Variants in SIAE observed in about 807,000 individuals in gnomAD.
SIAE encodes the protein sialate O-acetylesterase.
In SIAE, 39 loss-of-function variants were observed where a neutral mutation model predicts 52.6. That is an observed-to-expected ratio of 0.74 (90% CI 0.57 to 0.97). The LOEUF is 0.97. Ranked by LOEUF, SIAE falls within the 50% of genes least tolerant of loss-of-function variation. The pLI is 0.00. For synonymous variants in SIAE, 233 were observed against 241.4 expected, an observed-to-expected ratio of 0.97 and a Z score of 0.32; for missense variants, 592 against 662.1, an observed-to-expected ratio of 0.89 and a Z score of 1.16.
intron 7 of SIAE, among the ~76,000 whole-genome samples, chr11:124,644,629 G>A (rs548046961): frequency 7.2e-5 from 11 of 152,286 alleles, no homozygotes; most frequent in East Asian, 3.9e-4. Flanking sequence ...TAATAAAGGC[G>A]TGGACCAGCC....
chr11:124,639,662 C>A lies in SIAE; in HGVS notation c.1124+48G>T. 5 of 1,612,992 alleles carry A rather than the reference C, an allele frequency of 3.1e-6. No homozygotes were observed. In the South Asian group the frequency reaches 5.5e-5, roughly 18 times the overall value. ...CACCGGTGAACATCAGAGTGAAAGA[C>A]TACAAAGAACATACACTGTTCATGC... On this transcript the variant is annotated intron_variant, in intron 8 of 9. Transcript: ENST00000263593.
intron 2 of SIAE, 65 bp downstream of exon 2, chr11:124,669,295 A>T (rs1311303477): frequency 1.3e-6 from 2 of 1,585,342 alleles, no homozygotes; most frequent in Admixed American, 3.3e-5. Context: ...ATTAGCATTC[A>T]TTTTCAGATA....
chr11:124,675,718 GA>G (rs1943454300), upstream of SIAE: 22 of 240,706 alleles, frequency 9.1e-5, no homozygotes, highest in East Asian at 2.2e-4. Flanking sequence ...ATCAGTGGGG[GA>G]AAAAAAGATC....
chr11:124,646,084 T>C (rs11828222), intron 7 of SIAE, among the ~76,000 whole-genome samples: 16,352 of 152,170 alleles, frequency 0.11, 2,824 homozygotes, highest in African/African-American at 0.36. Context: ...GTTTGATTTC[T>C]TATGTTCTAG....
Position 124,645,891 on chromosome 11 carries a change from T to A in SIAE, c.966+1474A>T, listed in dbSNP as rs1441200457. Among the ~76,000 whole-genome samples, 2 of 152,152 alleles carry A rather than the reference T, an allele frequency of 1.3e-5. No homozygotes were observed. Among genetic ancestry groups the A allele is most frequent in the African/African-American group, 4.8e-5 (2 of 41,434 alleles). On this transcript the variant is annotated intron_variant, in intron 7 of 9. Transcript: ENST00000263593. The surrounding 1 kb of genome is among the most constrained non-coding windows in gnomAD (Gnocchi z 4.7). Reference sequence around the variant, plus strand: ...TAAAGGCATTTTAAGTGAGAAGGTCTATACAAATATTCAAAAGAAGGTACA... The same window carrying A: ...TAAAGGCATTTTAAGTGAGAAGGTCAATACAAATATTCAAAAGAAGGTACA...
intron 1 of SIAE, 51 bp downstream of exon 1, chr11:124,673,591 G>C: frequency 6.3e-7 from 1 of 1,588,228 alleles, no homozygotes; most frequent in Non-Finnish European, 8.6e-7. Context: ...CGGGGTCTCG[G>C]AGCCCGCACA....
At chr11:124,653,020 C>T (rs1018918148) in intron 4 of SIAE, among the ~76,000 whole-genome samples, 1 of 152,104 alleles carries the variant, frequency 6.6e-6, no homozygotes, top group African/African-American at 2.4e-5. Context: ...TGATTGAGTC[C>T]TGAGTTTTGG....
chr11:124,663,421 A>G (rs1943220253), intron 2 of SIAE, among the ~76,000 whole-genome samples: 1 of 151,984 alleles, frequency 6.6e-6, no homozygotes, highest in Non-Finnish European at 1.5e-5. Context: ...CTAAAAATAC[A>G]AAAATGAGCT....
At chr11:124,675,264 G>C (rs138529321), upstream of SIAE, 42 of 1,611,356 alleles carry the variant, frequency 2.6e-5, no homozygotes, top group Non-Finnish European at 3.6e-5. Flanking sequence ...TTACCAAGAA[G>C]ATGTCGATTC....
intron 2 of SIAE, among the ~76,000 whole-genome samples, chr11:124,664,237 C>CT (rs199814380): frequency 0.013 from 1,870 of 138,884 alleles, 15 homozygotes; most frequent in Non-Finnish European, 0.017. Flanking sequence ...TAGCCTATTT[C>CT]TTTTTTTTTT....
chr11:124,654,813 G>A lies in SIAE; in HGVS notation c.406-20C>T, dbSNP rs746698245. 27 of 1,612,440 alleles carry A rather than the reference G, an allele frequency of 1.7e-5. No individual in the cohort carries two copies. The highest frequency in any genetic ancestry group is 2.1e-4 in the Middle Eastern group (1 of 4,786). ...AAATATCTGGAAAAGAAATTGAAAC[G>A]TCATTTAACCTAGCAGGTGGTGAAC... On this transcript the variant is annotated intron_variant, in intron 3 of 9. Coordinates refer to ENST00000263593, the MANE Select transcript of SIAE (RefSeq NM_170601.5).
chr11:124,668,180 C>T (rs1056701682), intron 2 of SIAE, among the ~76,000 whole-genome samples: 1 of 152,186 alleles, frequency 6.6e-6, no homozygotes, highest in African/African-American at 2.4e-5. Context: ...ACCTGCCTGG[C>T]ATCTCTCCCA....
chr11:124,668,295 T>C (rs1365892874), intron 2 of SIAE, among the ~76,000 whole-genome samples: 3 of 152,192 alleles, frequency 2.0e-5, no homozygotes, highest in Non-Finnish European at 4.4e-5. Context: ...TAATTATCCC[T>C]ACTCTCTACA....
At chr11:124,652,441 A>G (rs1246439158) in intron 4 of SIAE, among the ~76,000 whole-genome samples, 1 of 152,060 alleles carries the variant, frequency 6.6e-6, no homozygotes, top group Non-Finnish European at 1.5e-5. Flanking sequence ...TAATCCCAGC[A>G]CTTTGGGAGT....
intron 5 of SIAE, among the ~76,000 whole-genome samples, chr11:124,648,470 T>G (rs1299677709): frequency 6.6e-6 from 1 of 150,718 alleles, no homozygotes; most frequent in Non-Finnish European, 1.5e-5. Context: ...TCTCACATTG[T>G]GGGGGGGGGC....
chr11:124,641,276 G>A (rs1267152931), intron 7 of SIAE, among the ~76,000 whole-genome samples: 3 of 152,054 alleles, frequency 2.0e-5, no homozygotes, highest in African/African-American at 7.2e-5. Flanking sequence ...AAAACAAATG[G>A]GCATCAAAAA....
chr11:124,666,626 T>A (rs1452678468), intron 2 of SIAE, among the ~76,000 whole-genome samples: 1 of 152,250 alleles, frequency 6.6e-6, no homozygotes, highest in East Asian at 1.9e-4. Flanking sequence ...TTCTCTTAAG[T>A]TGCTGCTGGT....
At chr11:124,659,375 T>C (rs547018645) in intron 3 of SIAE, 43 of 152,316 alleles carry the variant, frequency 2.8e-4, no homozygotes, top group Non-Finnish European at 5.3e-4. Flanking sequence ...TGATTCTGCT[T>C]CTACTCTCTT....
intron 3 of SIAE, among the ~76,000 whole-genome samples, chr11:124,658,263 G>A (rs866349356): frequency 0.041 from 6,004 of 146,848 alleles, 356 homozygotes; most frequent in African/African-American, 0.15. Flanking sequence ...CACACACACA[G>A]AAGGACAGAA....
Sources: allele counts gnomAD v4.1 joint callset (sites outside exome capture counted in the v4.1 genomes callset), GRCh38; gene constraint gnomAD v4.1.1; non-coding constraint Gnocchi (gnomAD v3.1); transcripts MANE v1.5; gene names NCBI Gene and HGNC (gene_info 2026-07-23, HGNC 2026-07-21).